WDR33: variants seen among roughly 807,000 people sequenced by gnomAD.
The protein encoded by WDR33 is WD repeat domain 33, also known as pre-mRNA 3' end processing protein WDR33.
In WDR33, 47 loss-of-function variants were observed where a neutral mutation model predicts 164.9. That is an observed-to-expected ratio of 0.29 (90% CI 0.23 to 0.36). WDR33 has a LOEUF of 0.36. Among genes scored for constraint, WDR33 ranks in the 10% least tolerant of loss-of-function variants. WDR33 has a pLI of 1.00. For missense variants in WDR33, 1,137 were observed against 1,754.1 expected (o/e 0.65, Z 6.28); for synonymous variants, 505 against 589.0 (o/e 0.86, Z 2.06).
intron 7 of WDR33, among the ~76,000 whole-genome samples, chr2:127,740,346 TACACACAC>T (rs71307275): frequency 2.9e-4 from 43 of 149,796 alleles, no homozygotes; most frequent in African/African-American, 8.0e-4. Context: ...TGTATTTCTC[TACACACAC>T]ACACACACAC....
chr2:127,787,387 G>A lies in WDR33; in HGVS notation c.-23-16383C>T, dbSNP rs1398991681. Among the ~76,000 whole-genome samples, 3 of 122,856 alleles carry A rather than the reference G, an allele frequency of 2.4e-5. No homozygotes were observed. The East Asian group carries it at 7.1e-4, about 29-fold the overall frequency. The allele number at this position is 122,856 out of a possible 152,430, so 80.6% of individuals were successfully genotyped here. On this transcript the variant is annotated intron_variant, in intron 1 of 21. Transcript: ENST00000322313. ...GAGCTGTTGGGCACACCTCCCAGAC[G>A]GGGTGGTGGCCGGGCAGAGGGGCTC...
In WDR33 at chr2:127,764,531, A is replaced by G; in HGVS notation, c.626+297T>C. The G allele has an allele frequency of 2.6e-6, 4 of 1,525,608 alleles. No individual in the cohort carries two copies. Among genetic ancestry groups the G allele is most frequent in the Non-Finnish European group, 3.5e-6 (4 of 1,140,272 alleles). The allele number at this position is 1,525,608 out of a possible 1,614,324, so 94.5% of individuals were successfully genotyped here. A position where few individuals can be genotyped will look rare whatever the true frequency, so the allele number is the denominator to read the frequency against. Reference sequence around the variant, plus strand: ...TTCTTGTCTTACACAGTAGATAATAAAAAGGAATAACGTATACACATTATT... The same window carrying G: ...TTCTTGTCTTACACAGTAGATAATAGAAAGGAATAACGTATACACATTATT... On this transcript the variant is annotated intron_variant, in intron 6 of 21. Coordinates refer to ENST00000322313, the MANE Select transcript of WDR33 (RefSeq NM_018383.5). This position sits in a 1 kb window ranked among gnomAD's most constrained non-coding sequence, Gnocchi z 6.2.
In WDR33 at chr2:127,702,118, G is replaced by C. The variant is rs1685907317; in HGVS notation, c.*4205C>G. 8.2e-7 allele frequency: 1 copy of C among 1,219,060 alleles called. No homozygotes were observed. The highest frequency in any genetic ancestry group is 3.4e-5 in the East Asian group (1 of 29,832). 75.5% of individuals were successfully genotyped at this position (1,219,060 alleles called of 1,614,324 possible). ...CCCTGGGGCGGCGGCACCGCGCTGCGCCTCGCACTGGGTCGCCTGGGCCGC... is the reference window on the plus strand; with the variant it reads ...CCCTGGGGCGGCGGCACCGCGCTGCCCCTCGCACTGGGTCGCCTGGGCCGC... On this transcript the variant is annotated 3_prime_UTR_variant, in exon 22 of 22. Coordinates refer to ENST00000322313, the MANE Select transcript of WDR33 (RefSeq NM_018383.5).
In WDR33 at chr2:127,741,673, G is replaced by C. The variant is rs968410311; in HGVS notation, c.725-14896C>G. 1.3e-5 allele frequency among the ~76,000 whole-genome samples: 2 copies of C among 152,120 alleles called. No individual in the cohort carries two copies. The highest frequency in any genetic ancestry group is 6.6e-5 in the Admixed American group (1 of 15,264). On this transcript the variant is annotated intron_variant, in intron 7 of 21. Coordinates refer to ENST00000322313, the MANE Select transcript of WDR33 (RefSeq NM_018383.5). The surrounding 1 kb of genome is among the most constrained non-coding windows in gnomAD (Gnocchi z 4.1). ...ACAACCAAGGGTCACTGCGTTATTTGAGAAAAAGCAAGTACCAGGAAAGAG... is the reference window on the plus strand; with the variant it reads ...ACAACCAAGGGTCACTGCGTTATTTCAGAAAAAGCAAGTACCAGGAAAGAG...
chr2:127,782,717 T>C (rs184751111), intron 1 of WDR33, among the ~76,000 whole-genome samples: 1 of 152,190 alleles, frequency 6.6e-6, no homozygotes, highest in East Asian at 1.9e-4. Context: ...AAATTTAAAG[T>C]ATACAGCAGG....
chr2:127,753,401 C>T (rs1252486233), intron 7 of WDR33, among the ~76,000 whole-genome samples: 1 of 152,146 alleles, frequency 6.6e-6, no homozygotes, highest in Non-Finnish European at 1.5e-5. Flanking sequence ...GAAAAATATT[C>T]AAATGAGAAA....
Position 127,707,185 on chromosome 2 carries a change from T to C in WDR33, c.3782-633A>G, listed in dbSNP as rs2105368837. Among the ~76,000 whole-genome samples, 3 of 148,542 alleles carry C rather than the reference T, an allele frequency of 2.0e-5. 1 individual carries two copies. In the Middle Eastern group the frequency reaches 0.01, roughly 519 times the overall value. On this transcript the variant is annotated intron_variant, in intron 21 of 21. Transcript: ENST00000322313. The stretch of plus-strand genomic sequence containing the variant: ...AGACTAGTATGCACAAATGTTTAGG[T>C]ACTATTAAAATTCTTTCATTCTGTT...
rs1475608807 is a variant in WDR33, at chr2:127,713,324, C to T, written c.3308+259G>A. 1.3e-5 allele frequency among the ~76,000 whole-genome samples: 2 copies of T among 152,142 alleles called. No homozygotes were observed. Among genetic ancestry groups the T allele is most frequent in the African/African-American group, 4.8e-5 (2 of 41,408 alleles). On this transcript the variant is annotated intron_variant, in intron 18 of 21. Coordinates refer to ENST00000322313, the MANE Select transcript of WDR33 (RefSeq NM_018383.5). This position sits in a 1 kb window ranked among gnomAD's most constrained non-coding sequence, Gnocchi z 6.2. ...CCAGCAAGTCTTGTAGTACACTGAT[C>T]CTCCCATCTCTTTAGAAAGGACCAA...
intron 1 of WDR33, among the ~76,000 whole-genome samples, chr2:127,801,212 A>G (rs1180027183): frequency 6.6e-6 from 1 of 152,104 alleles, no homozygotes; most frequent in African/African-American, 2.4e-5. Context: ...TGAGCCCGGG[A>G]CGTTGAGGCA....
Position 127,726,157 on chromosome 2 carries a change from C to T in WDR33, c.851+494G>A, listed in dbSNP as rs962631693. On this transcript the variant is annotated intron_variant, in intron 8 of 21. Transcript: ENST00000322313. The surrounding 1 kb of genome is among the most constrained non-coding windows in gnomAD (Gnocchi z 4.8). Reference sequence around the variant, plus strand: ...AAAAAATGTTAACATATGCATGTAGCTGTGAATGTTCACAAATAACTGAAA... The same window carrying T: ...AAAAAATGTTAACATATGCATGTAGTTGTGAATGTTCACAAATAACTGAAA... Among the ~76,000 whole-genome samples the T allele has an allele frequency of 2.6e-5, 4 of 152,214 alleles. No homozygotes were observed. The highest frequency in any genetic ancestry group is 2.1e-4 in the South Asian group (1 of 4,832).
intron 1 of WDR33, among the ~76,000 whole-genome samples, chr2:127,786,844 C>CTTTTTTTTTTTTTTTTTTTTT (rs71307273): frequency 8.9e-6 from 1 of 111,872 alleles, no homozygotes; most frequent in Admixed American, 9.4e-5. Context: ...CCTTTCTGTT[C>CTTTTTTTTTTTTTTTTTTTTT]TTTTTTTTTT....
chr2:127,771,109 G>A (rs748012572), intron 1 of WDR33, 105 bp from the exon 2 acceptor site: 4 of 869,068 alleles, frequency 4.6e-6, no homozygotes, highest in East Asian at 2.7e-5. Flanking sequence ...CTTATCTAAC[G>A]TGCATCATTT....
At chr2:127,804,131 C>T (rs1302433987) in intron 1 of WDR33, among the ~76,000 whole-genome samples, 21 of 151,942 alleles carry the variant, frequency 1.4e-4, no homozygotes, top group Non-Finnish European at 2.9e-4. Context: ...ACCATCCTGG[C>T]TAACACGGTG....
intron 7 of WDR33, among the ~76,000 whole-genome samples, chr2:127,732,032 G>C (rs1239163225): frequency 2.6e-5 from 4 of 151,966 alleles, no homozygotes; most frequent in African/African-American, 9.7e-5. Context: ...AGGCTGCAGT[G>C]AGTTGTGATT....
chr2:127,771,150 C>T (rs1687989856), intron 1 of WDR33, 146 bp from the exon 2 acceptor site: 1 of 665,064 alleles, frequency 1.5e-6, no homozygotes, highest in Admixed American at 2.9e-5. Flanking sequence ...AGTCATGAGT[C>T]ACTTAACAAC....
intron 1 of WDR33, among the ~76,000 whole-genome samples, chr2:127,778,839 T>A (rs935715885): frequency 1.2e-4 from 18 of 152,242 alleles, no homozygotes; most frequent in South Asian, 4.1e-4. Flanking sequence ...TTCAAAATAA[T>A]CTTTCACCAA....
At position 127,793,035 on chromosome 2, in the gene WDR33, A is replaced by C. The variant is rs183659216; in HGVS notation, c.-24+17977T>G. ...TAGCATAAAAGTGAGGAGAAATTTC[A>C]GGTGTACCTTTTGAATTTCATACAT... On this transcript the variant is annotated intron_variant, in intron 1 of 21. Transcript: ENST00000322313. Among the ~76,000 whole-genome samples the C allele has an allele frequency of 2.0e-3, 302 of 152,326 alleles. 1 individual carries two copies. The highest frequency in any genetic ancestry group is 7.0e-3 in the African/African-American group (292 of 41,590).
At chr2:127,793,148 G>A (rs1447006371) in intron 1 of WDR33, among the ~76,000 whole-genome samples, 1 of 152,074 alleles carries the variant, frequency 6.6e-6, no homozygotes, top group Non-Finnish European at 1.5e-5. Flanking sequence ...ACTCAATTTA[G>A]GGCCTGGCAC....
At chr2:127,781,425 T>C (rs1299505083) in intron 1 of WDR33, among the ~76,000 whole-genome samples, 5 of 152,142 alleles carry the variant, frequency 3.3e-5, no homozygotes, top group African/African-American at 7.2e-5. Flanking sequence ...TATAGTAAGA[T>C]TGCAGAAAAC....
Sources: allele counts gnomAD v4.1 joint callset (sites outside exome capture counted in the v4.1 genomes callset), GRCh38; gene constraint gnomAD v4.1.1; non-coding constraint Gnocchi (gnomAD v3.1); transcripts MANE v1.5; gene names NCBI Gene and HGNC (gene_info 2026-07-23, HGNC 2026-07-21).